The following FNBP1 variants were observed in gnomAD, a reference collection of about 807,000 sequenced individuals.
FNBP1 encodes formin-binding protein 1.
A neutral mutation model predicts 90.6 loss-of-function variants in FNBP1; 26 were observed. The observed-to-expected ratio is 0.29, with a 90% CI of 0.21 to 0.40. FNBP1 has a LOEUF of 0.40. Among genes scored for constraint, FNBP1 ranks in the 10% least tolerant of loss-of-function variants. The pLI is 1.00. For missense variants in FNBP1, 635 were observed against 768.0 expected, an observed-to-expected ratio of 0.83 and a Z score of 2.05; for synonymous variants, 260 against 265.2, an observed-to-expected ratio of 0.98 and a Z score of 0.19.
In FNBP1 at chr9:129,895,825, T is replaced by C; in HGVS notation, c.1846+13A>G. ...TTTTTTTTTTTTATGGTATTAAATA[T>C]AAGTCTTAGCACCTTTGGCATTTTT... On this transcript the variant is annotated intron_variant, in intron 16 of 16. Coordinates refer to ENST00000446176, the MANE Select transcript of FNBP1 (RefSeq NM_015033.3). 1 of 1,568,620 alleles carries C rather than the reference T, an allele frequency of 6.4e-7. No homozygotes were observed. The highest frequency in any genetic ancestry group is 2.3e-5 in the East Asian group (1 of 43,922).
chr9:129,909,532 C>T (rs1340386466), intron 11 of FNBP1, among the ~76,000 whole-genome samples: 5 of 151,954 alleles, frequency 3.3e-5, no homozygotes, highest in Non-Finnish European at 4.4e-5. Flanking sequence ...TCACATTCCT[C>T]AGAGAATGTG....
At chr9:130,015,412 T>C (rs1388868473) in intron 1 of FNBP1, among the ~76,000 whole-genome samples, 7 of 152,146 alleles carry the variant, frequency 4.6e-5, no homozygotes, top group Admixed American at 3.9e-4. Flanking sequence ...GCAGGAATGA[T>C]AATAAAACTA....
Position 129,985,639 on chromosome 9 carries a change from G to A in FNBP1, c.141-6265C>T, listed in dbSNP as rs540639289. Among the ~76,000 whole-genome samples the A allele has an allele frequency of 2.0e-5, 3 of 152,114 alleles. No individual in the cohort carries two copies. The East Asian group carries it at 5.8e-4, about 29-fold the overall frequency. On this transcript the variant is annotated intron_variant, in intron 2 of 16. Coordinates refer to ENST00000446176, the MANE Select transcript of FNBP1 (RefSeq NM_015033.3). ...GAGACAAGCCTGGCCAACATGGCAA[G>A]ACCCTGTCTCTACTAAAAATACAAA...
chr9:130,039,079 T>C (rs1798960205), intron 1 of FNBP1, among the ~76,000 whole-genome samples: 2 of 152,208 alleles, frequency 1.3e-5, no homozygotes, highest in African/African-American at 4.8e-5. Flanking sequence ...TCAGTGAACA[T>C]ATTTACCTTA....
upstream of FNBP1, among the ~76,000 whole-genome samples, chr9:130,045,404 C>A (rs984667273): frequency 6.6e-6 from 1 of 152,136 alleles, no homozygotes; most frequent in Admixed American, 6.6e-5. Context: ...TAGTCAAATA[C>A]AATGATCTAA....
intron 2 of FNBP1, among the ~76,000 whole-genome samples, chr9:129,983,595 T>G (rs1005437623): frequency 6.6e-6 from 1 of 152,028 alleles, no homozygotes; most frequent in East Asian, 1.9e-4. Flanking sequence ...CCGAGGCAGG[T>G]GGATCGGGAG....
chr9:129,958,985 C>CAAAAAAAAAAAAAAAAAAA (rs60640596), intron 4 of FNBP1, among the ~76,000 whole-genome samples: 254 of 9,148 alleles, frequency 0.028, 63 homozygotes, highest in Middle Eastern at 0.25. Context: ...AACTCTGCCT[C>CAAAAAAAAAAAAAAAAAAA]AAAAAAAAAA....
chr9:129,912,938 G>A (rs1248633997), intron 11 of FNBP1, among the ~76,000 whole-genome samples: 4 of 151,850 alleles, frequency 2.6e-5, no homozygotes, highest in South Asian at 2.1e-4. Flanking sequence ...ACTCAACAGC[G>A]GTTGGGCGTG....
At chr9:129,921,543 G>A (rs566398954) in intron 10 of FNBP1, among the ~76,000 whole-genome samples, 4 of 152,060 alleles carry the variant, frequency 2.6e-5, no homozygotes, top group African/African-American at 9.6e-5. Flanking sequence ...ACAGGCACCC[G>A]CCTGTAATTA....
chr9:129,899,996 T>C lies in FNBP1; in HGVS notation c.1656A>G (p.Ile552Met). The C allele has an allele frequency of 6.2e-7, 1 of 1,612,626 alleles. No homozygotes were observed. The highest frequency in any genetic ancestry group is 8.5e-7 in the Non-Finnish European group (1 of 1,179,264). Residue 552 changes from isoleucine (I) to methionine (M), a missense_variant, in exon 15 of 17, where the codon ATA becomes ATG. Ile to Met is a conservative substitution (Grantham distance 10, BLOSUM62 1). Coordinates refer to ENST00000446176, the MANE Select transcript of FNBP1 (RefSeq NM_015033.3). Reference sequence around the variant, plus strand: ...ATGTGTAGAGAGCTTTGCACGTCCCTATGGCAGGGAGGGGCTCCTCATCAT... The same window carrying C: ...ATGTGTAGAGAGCTTTGCACGTCCCCATGGCAGGGAGGGGCTCCTCATCAT... ...EFDDEEPLPA[I>M]GTCKALYTFE... is the part of the protein sequence containing the mutation.
At chr9:130,010,150 C>T (rs2056355582) in intron 1 of FNBP1, among the ~76,000 whole-genome samples, 1 of 152,112 alleles carries the variant, frequency 6.6e-6, no homozygotes, top group Admixed American at 6.6e-5. Context: ...ATTTAAGTCC[C>T]TTGTGAGACT....
At chr9:130,024,538 T>C (rs2058153146) in intron 1 of FNBP1, among the ~76,000 whole-genome samples, 2 of 152,170 alleles carry the variant, frequency 1.3e-5, no homozygotes, top group Non-Finnish European at 2.9e-5. Flanking sequence ...AATTTTTCTC[T>C]AACAATCCAA....
At chr9:130,008,751 G>A (rs1215837427) in intron 1 of FNBP1, among the ~76,000 whole-genome samples, 1 of 152,010 alleles carries the variant, frequency 6.6e-6, no homozygotes, top group Non-Finnish European at 1.5e-5. Context: ...CAATCAGCAG[G>A]TGCAAAGGTT....
Position 129,895,928 on chromosome 9 carries a change from C to A in FNBP1, c.1756G>T (p.Asp586Tyr). 1 of 1,613,716 alleles carries A rather than the reference C, an allele frequency of 6.2e-7. No homozygotes were observed. Among genetic ancestry groups the A allele is most frequent in the Non-Finnish European group, 8.5e-7 (1 of 1,179,792 alleles). The change falls in exon 16 of 17, where the codon GAT becomes TAT. Residue 586 changes from aspartate to tyrosine, a missense_variant. Physicochemically the swap from Asp to Tyr is radical, Grantham distance 160. Coordinates refer to ENST00000446176, the MANE Select transcript of FNBP1 (RefSeq NM_015033.3). ...TLYVIEEDKG[D>Y]GWTRIRRNED... ...TTTCTCCGAATGCGGGTCCAGCCAT[C>A]GCCTTTGTCTTCCTCTATGACATAC...
the FNBP1 span, among the ~76,000 whole-genome samples, chr9:130,052,659 A>G: frequency 6.6e-6 from 1 of 151,670 alleles, no homozygotes; most frequent in African/African-American, 2.4e-5. Context: ...GTCCCGAACA[A>G]CTGACTTTCA....
upstream of FNBP1, among the ~76,000 whole-genome samples, chr9:130,046,577 A>C (rs2060060856): frequency 8.2e-6 from 1 of 122,428 alleles, no homozygotes; most frequent in African/African-American, 3.0e-5. Flanking sequence ...TCTACTAAAA[A>C]TACAAAAAAA....
intron 6 of FNBP1, among the ~76,000 whole-genome samples, chr9:129,952,105 C>T (rs149680470): frequency 1.7e-3 from 260 of 151,768 alleles, no homozygotes; most frequent in African/African-American, 6.2e-3. Context: ...GGCATGAGAA[C>T]GGTTTGAACC....
intron 1 of FNBP1, 75 bp from the exon 2 acceptor site, chr9:129,995,033 A>C: frequency 1.3e-6 from 1 of 758,920 alleles, no homozygotes; most frequent in Non-Finnish European, 2.3e-6. Context: ...AATTCTCTTA[A>C]CAACATATTA....
At position 130,026,489 on chromosome 9, in the gene FNBP1, A is replaced by G. The variant is rs7859514; in HGVS notation, c.24+16463T>C. Among the ~76,000 whole-genome samples the G allele has an allele frequency of 4.8e-3, 724 of 151,624 alleles. 9 individuals carry two copies. Among genetic ancestry groups the G allele is most frequent in the African/African-American group, 0.016 (666 of 41,332 alleles). On this transcript the variant is annotated intron_variant, in intron 1 of 16. Coordinates refer to ENST00000446176, the MANE Select transcript of FNBP1 (RefSeq NM_015033.3). Reference sequence around the variant, plus strand: ...AGCGTGGGCAACACAGCGAGACTCTATCTCAAAAAAACAAACAAAAAAAAG... The same window carrying G: ...AGCGTGGGCAACACAGCGAGACTCTGTCTCAAAAAAACAAACAAAAAAAAG...
Sources: allele counts gnomAD v4.1 joint callset (sites outside exome capture counted in the v4.1 genomes callset), GRCh38; gene constraint gnomAD v4.1.1; transcripts MANE v1.5; gene names NCBI Gene and HGNC (gene_info 2026-07-23, HGNC 2026-07-21).